Variants in FLACC1 observed in about 807,000 individuals in gnomAD.
The protein encoded by FLACC1 is flagellum-associated coiled-coil domain-containing protein 1.
A neutral mutation model predicts 62.8 loss-of-function variants in FLACC1; 66 were observed. The ratio of observed to expected loss-of-function variants is 1.05; its 90% CI spans 0.86 to 1.29. The LOEUF (loss-of-function observed/expected upper bound fraction) is 1.29, where lower values mean the gene tolerates loss of function less well. Among genes scored for constraint, FLACC1 ranks in the 50% most tolerant of loss-of-function variants. FLACC1 has a pLI of 0.00. For missense variants in FLACC1, 452 were observed against 489.1 expected (o/e 0.92, Z 0.71); for synonymous variants, 156 against 161.0 (o/e 0.97, Z 0.24).
intron 9 of FLACC1, among the ~76,000 whole-genome samples, chr2:201,328,799 T>C (rs1018741859): frequency 2.0e-5 from 3 of 152,240 alleles, no homozygotes; most frequent in Non-Finnish European, 4.4e-5. Flanking sequence ...AAGTTAAAAA[T>C]GGGCTGAAAA....
chr2:201,327,735 T>C (rs1312621785), intron 9 of FLACC1, among the ~76,000 whole-genome samples: 1 of 152,124 alleles, frequency 6.6e-6, no homozygotes, highest in Non-Finnish European at 1.5e-5. Flanking sequence ...GTACAACCTT[T>C]TGGAAAAGAG....
chr2:201,332,983 A>G (rs989926250), intron 7 of FLACC1, among the ~76,000 whole-genome samples: 3 of 152,212 alleles, frequency 2.0e-5, no homozygotes, highest in African/African-American at 7.2e-5. Flanking sequence ...AGTTGATTCC[A>G]TAACTTGGAT....
chr2:201,336,951 T>C (rs1032557133), intron 7 of FLACC1, among the ~76,000 whole-genome samples: 1 of 152,234 alleles, frequency 6.6e-6, no homozygotes, highest in Admixed American at 6.5e-5. Flanking sequence ...TTAAGAAATG[T>C]CTTCTTTTAA....
At chr2:201,311,662 C>T (rs1014236429) in intron 9 of FLACC1, among the ~76,000 whole-genome samples, 1 of 146,208 alleles carries the variant, frequency 6.8e-6, no homozygotes, top group Non-Finnish European at 1.5e-5. Flanking sequence ...GATTGTGCTG[C>T]TGCACTCCAG....
At chr2:201,337,002 T>G (rs893234450) in intron 7 of FLACC1, among the ~76,000 whole-genome samples, 2 of 143,730 alleles carry the variant, frequency 1.4e-5, no homozygotes, top group African/African-American at 2.5e-5. Context: ...CCATTTTTAA[T>G]GAATTTGTGT....
chr2:201,318,492 A>C (rs1950342961), intron 9 of FLACC1, among the ~76,000 whole-genome samples: 1 of 152,186 alleles, frequency 6.6e-6, no homozygotes, highest in South Asian at 2.1e-4. Flanking sequence ...ACATATGAAA[A>C]AGTGCTCAAC....
intron 1 of FLACC1, 40 bp from the exon 2 acceptor site, chr2:201,351,491 G>T: frequency 1.0e-6 from 1 of 983,450 alleles, no homozygotes; most frequent in Non-Finnish European, 1.6e-6. Flanking sequence ...AAACCATTTA[G>T]AATCAAAGCA....
chr2:201,305,116 C>T (rs537471623), intron 11 of FLACC1, among the ~76,000 whole-genome samples: 19 of 152,180 alleles, frequency 1.2e-4, no homozygotes, highest in South Asian at 4.1e-4. Context: ...TTCTGCACAG[C>T]GAAAGAAACT....
chr2:201,305,314 C>G (rs776956174), intron 11 of FLACC1, among the ~76,000 whole-genome samples: 66 of 152,170 alleles, frequency 4.3e-4, no homozygotes, highest in Non-Finnish European at 7.6e-4. Flanking sequence ...ATTTATGCAG[C>G]CAACAGACAC....
At chr2:201,334,727 G>A (rs1027697658) in intron 7 of FLACC1, among the ~76,000 whole-genome samples, 2 of 150,534 alleles carry the variant, frequency 1.3e-5, no homozygotes, top group Admixed American at 6.6e-5. Context: ...TGGTTGTGGT[G>A]AGCCAAGATC....
At chr2:201,291,069 G>C (rs1275636613) in intron 12 of FLACC1, among the ~76,000 whole-genome samples, 1 of 152,200 alleles carries the variant, frequency 6.6e-6, no homozygotes, top group African/African-American at 2.4e-5. Context: ...GCTCAAGGAG[G>C]CCTGCCTGCC....
intron 9 of FLACC1, among the ~76,000 whole-genome samples, chr2:201,324,929 A>G (rs1950474340): frequency 6.6e-6 from 1 of 152,142 alleles, no homozygotes; most frequent in South Asian, 2.1e-4. Context: ...GGAGTTTGAG[A>G]CCAGGCTGGC....
intron 4 of FLACC1, among the ~76,000 whole-genome samples, chr2:201,347,090 TTAA>T (rs765293130): frequency 2.1e-4 from 32 of 152,142 alleles, no homozygotes; most frequent in Non-Finnish European, 8.8e-5. Flanking sequence ...GAAAGTGGGG[TTAA>T]TAACTCTTTC....
At chr2:201,329,074 T>C (rs1442826149) in intron 9 of FLACC1, among the ~76,000 whole-genome samples, 2 of 152,180 alleles carry the variant, frequency 1.3e-5, no homozygotes, top group African/African-American at 4.8e-5. Context: ...TAAATACTAA[T>C]CTGCTTTTTG....
At chr2:201,345,738 A>G (rs963349654) in intron 5 of FLACC1, among the ~76,000 whole-genome samples, 1 of 152,200 alleles carries the variant, frequency 6.6e-6, no homozygotes, top group Non-Finnish European at 1.5e-5. Flanking sequence ...GATATACTTG[A>G]TATGGCATTG....
intron 14 of FLACC1, among the ~76,000 whole-genome samples, 162 bp from the exon 15 acceptor site, chr2:201,288,943 G>A (rs1376568239): frequency 6.6e-6 from 1 of 152,134 alleles, no homozygotes; most frequent in African/African-American, 2.4e-5. Context: ...ATGGTGTTCA[G>A]GTGACTAAAG....
rs747898427 is a variant in FLACC1 at position 201,323,202 on chromosome 2, G to A, written c.675+7268C>T. The stretch of plus-strand genomic sequence containing the variant: ...TAATTGAGGAAAACCTTTCTGGCGT[G>A]GCTAGAGATCTAGATATCCAAATCC... On this transcript the variant is annotated intron_variant, in intron 9 of 14. Transcript: ENST00000392257. Among the ~76,000 whole-genome samples the A allele has an allele frequency of 1.8e-4, 27 of 152,232 alleles. No individual in the cohort carries two copies. The South Asian group carries it at 4.4e-3, about 25-fold the overall frequency.
Position 201,346,203 on chromosome 2 carries a change from C to T in FLACC1, c.368+339G>A, listed in dbSNP as rs922676398. Among the ~76,000 whole-genome samples the T allele has an allele frequency of 1.3e-5, 2 of 152,158 alleles. No homozygotes were observed. The highest frequency in any genetic ancestry group is 2.1e-4 in the South Asian group (1 of 4,830). On this transcript the variant is annotated intron_variant, in intron 5 of 14. Coordinates refer to ENST00000392257, the MANE Select transcript of FLACC1 (RefSeq NM_001127391.3). The surrounding 1 kb of genome is among the most constrained non-coding windows in gnomAD (Gnocchi z 4.0). ...CACTCCAGCCACCCAGAAACCCTCA[C>T]TTTACTTAATTTGCATGCCTCAAAT... is the stretch of plus-strand genomic sequence containing the variant.
chr2:201,289,653 G>T, intron 13 of FLACC1, 43 bp downstream of exon 13: 2 of 1,611,562 alleles, frequency 1.2e-6, no homozygotes. Flanking sequence ...TGGAGACCTG[G>T]GTTCTTCCCC....
Sources: gnomAD v4.1 joint callset for allele counts (sites outside exome capture counted in the v4.1 genomes callset) on GRCh38, gnomAD v4.1.1 for gene constraint, Gnocchi (gnomAD v3.1) non-coding constraint, MANE v1.5 for transcripts, NCBI Gene and HGNC (gene_info 2026-07-23, HGNC 2026-07-21) for gene names.